Variants in GPATCH2 observed in about 807,000 individuals in gnomAD.
GPATCH2 encodes the protein G patch domain-containing protein 2.
Under a neutral mutation model 58.0 loss-of-function variants are expected in GPATCH2, and 51 were observed. That is an observed-to-expected ratio of 0.88 (90% confidence interval 0.70 to 1.11). The LOEUF (loss-of-function observed/expected upper bound fraction) is 1.11. Among genes scored for constraint, GPATCH2 ranks in the 50% most tolerant of loss-of-function variants. The probability of loss-of-function intolerance (pLI) is 0.00; values close to 1 mark genes in which losing one functional copy is unlikely to be tolerated. For missense variants in GPATCH2, 625 were observed against 652.2 expected, an observed-to-expected ratio of 0.96 and a Z score of 0.45; for synonymous variants, 222 against 218.5, an observed-to-expected ratio of 1.02 and a Z score of -0.14.
chr1:217,450,847 A>G (rs1288611851), intron 8 of GPATCH2, among the ~76,000 whole-genome samples: 1 of 152,152 alleles, frequency 6.6e-6, no homozygotes, highest in Non-Finnish European at 1.5e-5. Context: ...AAGATTATAT[A>G]TACATTTTTA....
intron 2 of GPATCH2, among the ~76,000 whole-genome samples, chr1:217,615,264 T>TA (rs1668828871): frequency 6.6e-6 from 1 of 152,042 alleles, no homozygotes; most frequent in Non-Finnish European, 1.5e-5. Context: ...TTCGATTTCT[T>TA]AAAAAATAAA....
At chr1:217,454,656 T>C (rs1659857485) in intron 8 of GPATCH2, among the ~76,000 whole-genome samples, 1 of 148,758 alleles carries the variant, frequency 6.7e-6, no homozygotes, top group South Asian at 2.3e-4. Context: ...AGTCTCACTG[T>C]ACCCCAGTTT....
At chr1:217,462,779 C>G (rs1486249228) in intron 8 of GPATCH2, among the ~76,000 whole-genome samples, 1 of 152,192 alleles carries the variant, frequency 6.6e-6, no homozygotes, top group African/African-American at 2.4e-5. Context: ...TCCTCACCTA[C>G]TCATCTACTC....
At position 217,567,045 on chromosome 1, in the gene GPATCH2, G is replaced by GTTTT. The variant is rs549350813; in HGVS notation, c.1098+43275_1098+43276insAAAA. ...CATCACTCAGCAAATATAACTTCTG[G>GTTTT]CTTTTTTTTTTTTTTTTTGAGACGG... On this transcript the variant is annotated intron_variant, in intron 5 of 9. Coordinates refer to ENST00000366935, the MANE Select transcript of GPATCH2 (RefSeq NM_018040.5). Among the ~76,000 whole-genome samples, 181 of 140,722 alleles carry GTTTT rather than the reference G, an allele frequency of 1.3e-3. 14 individuals carry two copies. The highest frequency in any genetic ancestry group is 9.8e-3 in the South Asian group (44 of 4,472). The allele number at this position is 140,722 out of a possible 152,430, so 92.3% of individuals were successfully genotyped here. A position where few individuals can be genotyped will look rare whatever the true frequency, so the allele number is the denominator to read the frequency against.
chr1:217,563,834 A>T (rs1388568388), intron 5 of GPATCH2, among the ~76,000 whole-genome samples: 2 of 151,980 alleles, frequency 1.3e-5, no homozygotes, highest in Non-Finnish European at 2.9e-5. Context: ...CACCTGAGGT[A>T]AGGAGTTCGA....
chr1:217,496,817 T>A (rs1662032091), intron 7 of GPATCH2, among the ~76,000 whole-genome samples: 1 of 152,170 alleles, frequency 6.6e-6, no homozygotes, highest in African/African-American at 2.4e-5. Flanking sequence ...ATTCAGTGTT[T>A]GAGTTGACTA....
intron 5 of GPATCH2, among the ~76,000 whole-genome samples, chr1:217,597,255 C>T (rs1667879504): frequency 6.6e-6 from 1 of 151,808 alleles, no homozygotes; most frequent in African/African-American, 2.4e-5. Flanking sequence ...ATCACTTGAG[C>T]CCAGGAGTTC....
At chr1:217,433,361 C>CACAT (rs1491151192) in intron 9 of GPATCH2, among the ~76,000 whole-genome samples, 16 of 118,556 alleles carry the variant, frequency 1.3e-4, no homozygotes, top group African/African-American at 3.7e-4. Flanking sequence ...TTAAGCTGTT[C>CACAT]ATATATATAT....
chr1:217,524,860 G>C (rs1158522919), intron 5 of GPATCH2, among the ~76,000 whole-genome samples: 1 of 8,600 alleles, frequency 1.2e-4, no homozygotes, highest in South Asian at 8.9e-3. Flanking sequence ...GGAGAGGGGA[G>C]AGGGGAGAGG....
chr1:217,557,128 C>A (rs566690456), intron 5 of GPATCH2, among the ~76,000 whole-genome samples: 1 of 152,036 alleles, frequency 6.6e-6, no homozygotes, highest in African/African-American at 2.4e-5. Context: ...TCAAGTTGGC[C>A]GGGTGCGGTG....
At chr1:217,612,918 G>A (rs572025967) in intron 3 of GPATCH2, among the ~76,000 whole-genome samples, 2 of 152,096 alleles carry the variant, frequency 1.3e-5, no homozygotes, top group East Asian at 3.9e-4. Context: ...TAAATGCAAG[G>A]AAAACACTTA....
chr1:217,517,191 C>T (rs1361888612), intron 5 of GPATCH2, among the ~76,000 whole-genome samples: 2 of 152,126 alleles, frequency 1.3e-5, no homozygotes, highest in South Asian at 2.1e-4. Context: ...ATAATTTTAC[C>T]TATTTACCTA....
intron 8 of GPATCH2, among the ~76,000 whole-genome samples, chr1:217,469,360 GC>G (rs1414097183): frequency 3.9e-5 from 6 of 152,188 alleles, no homozygotes; most frequent in African/African-American, 1.4e-4. Context: ...ATATAATTGG[GC>G]ATGAGTTGGA....
chr1:217,620,136 T>A lies in GPATCH2; in HGVS notation c.420A>T (p.Arg140Ser). The A allele has an allele frequency of 6.2e-7, 1 of 1,614,032 alleles. No homozygotes were observed. The highest frequency in any genetic ancestry group is 8.5e-7 in the Non-Finnish European group (1 of 1,179,954). ...SNLNNNVRGK[R>S]PLWHESDFAV... is the part of the protein sequence containing the mutation. ...CAAAATCAGACTCATGCCATAGAGG[T>A]CTTTTCCCTCGAACATTATTATTTA... is the stretch of plus-strand genomic sequence containing the variant. The change falls in exon 2 of 10, where the codon AGA (arginine) becomes AGT (serine). Residue 140 changes from arginine to serine, a missense_variant. Physicochemically the swap from Arg to Ser is moderately radical, Grantham distance 110. Transcript: ENST00000366935.
chr1:217,456,239 T>C (rs1659937321), intron 8 of GPATCH2, among the ~76,000 whole-genome samples: 1 of 152,114 alleles, frequency 6.6e-6, no homozygotes, highest in African/African-American at 2.4e-5. Flanking sequence ...CACTTGGGCT[T>C]TGGGAGTCAC....
At chr1:217,577,778 G>C (rs937859705) in intron 5 of GPATCH2, among the ~76,000 whole-genome samples, 8 of 151,894 alleles carry the variant, frequency 5.3e-5, no homozygotes, top group African/African-American at 1.9e-4. Context: ...ATGGAATTTT[G>C]CTCCTGTTGC....
rs183415731 is a variant in GPATCH2 at position 217,583,018 on chromosome 1, T to C, written c.1098+27303A>G. ...CCTAAACTCCATCTTGGATAAAATA[T>C]AGTAACAATATGGATAAATCAAAGA... On this transcript the variant is annotated intron_variant, in intron 5 of 9. Transcript: ENST00000366935. Among the ~76,000 whole-genome samples, 147 of 152,300 alleles carry C rather than the reference T, an allele frequency of 9.7e-4. 1 individual carries two copies. The highest frequency in any genetic ancestry group is 3.4e-3 in the African/African-American group (140 of 41,562).
chr1:217,619,783 CT>C lies in GPATCH2; in HGVS notation c.772del (p.Ser258ValfsTer56). The C allele has an allele frequency of 7.1e-7, 1 of 1,410,774 alleles. No individual in the cohort carries two copies. The highest frequency in any genetic ancestry group is 9.7e-7 in the Non-Finnish European group (1 of 1,031,866). 87.4% of individuals were successfully genotyped at this position (1,410,774 alleles called of 1,614,324 possible). A position where few individuals can be genotyped will look rare whatever the true frequency, so the allele number is the denominator to read the frequency against. ...TATATTTAGAGAATATAAAAGTCACCTTTCACTCATGAGCTCATCTGAGACT... is the reference window on the plus strand; with the variant it reads ...TATATTTAGAGAATATAAAAGTCACCTTCACTCATGAGCTCATCTGAGACT... ...QKVSDELMSE[S>X]DSSSLSSTDA... On this transcript the variant is annotated frameshift_variant and splice_region_variant, in exon 2 of 10. Transcript: ENST00000366935. LOFTEE classifies it high-confidence loss of function.
intron 9 of GPATCH2, among the ~76,000 whole-genome samples, chr1:217,440,957 A>T (rs1659107542): frequency 6.6e-6 from 1 of 152,202 alleles, no homozygotes. Flanking sequence ...ATTCAATGCT[A>T]TCCCCATCAA....
Sources: gnomAD v4.1 joint callset for allele counts (sites outside exome capture counted in the v4.1 genomes callset) on GRCh38, gnomAD v4.1.1 for gene constraint, MANE v1.5 for transcripts, NCBI Gene and HGNC (gene_info 2026-07-23, HGNC 2026-07-21) for gene names.